Variants in SORCS3 observed in about 807,000 individuals in gnomAD.
SORCS3 encodes sortilin related VPS10 domain containing receptor 3.
SORCS3 carries 57 observed loss-of-function variants against 146.3 expected under a neutral mutation model. The ratio of observed to expected loss-of-function variants is 0.39; its 90% CI spans 0.31 to 0.49. The LOEUF is 0.49. Ranked by LOEUF, SORCS3 falls within the 20% of genes least tolerant of loss-of-function variation. The pLI is 0.92. For missense variants in SORCS3, 1,341 were observed against 1,575.5 expected (o/e 0.85, Z 2.52); for synonymous variants, 653 against 618.5 (o/e 1.06, Z -0.83).
intron 1 of SORCS3, among the ~76,000 whole-genome samples, chr10:104,791,599 C>T (rs1180453724): frequency 6.6e-6 from 1 of 152,164 alleles, no homozygotes; most frequent in Non-Finnish European, 1.5e-5. Context: ...TAAATTTCAG[C>T]AGAATCAGGC....
chr10:105,037,269 C>A (rs546236216), intron 4 of SORCS3, among the ~76,000 whole-genome samples: 1 of 152,334 alleles, frequency 6.6e-6, no homozygotes, highest in African/African-American at 2.4e-5. Context: ...AGAAATGTAG[C>A]ATCTCTGTCA....
intron 14 of SORCS3, among the ~76,000 whole-genome samples, chr10:105,195,741 C>T (rs866098307): frequency 2.0e-5 from 3 of 152,100 alleles, no homozygotes; most frequent in South Asian, 2.1e-4. Flanking sequence ...ATGGGTGGAT[C>T]GATGTGGAAT....
chr10:104,731,898 C>T (rs1439074039), intron 1 of SORCS3, among the ~76,000 whole-genome samples: 5 of 152,220 alleles, frequency 3.3e-5, no homozygotes, highest in Non-Finnish European at 7.3e-5. Context: ...TTGATCCCAC[C>T]TTCCAGCTAT....
chr10:105,081,977 T>C (rs1430070981), intron 5 of SORCS3, among the ~76,000 whole-genome samples: 1 of 152,134 alleles, frequency 6.6e-6, no homozygotes, highest in Non-Finnish European at 1.5e-5. Flanking sequence ...ACCATGCTTA[T>C]GAAGTTTATC....
chr10:104,811,679 G>C (rs540220915), intron 1 of SORCS3, among the ~76,000 whole-genome samples: 3 of 152,224 alleles, frequency 2.0e-5, no homozygotes, highest in Non-Finnish European at 4.4e-5. Flanking sequence ...ATCTCATGGG[G>C]AGAGGTTCAT....
At chr10:104,946,215 G>T (rs191639181) in intron 3 of SORCS3, among the ~76,000 whole-genome samples, 5 of 151,882 alleles carry the variant, frequency 3.3e-5, no homozygotes, top group African/African-American at 1.2e-4. Flanking sequence ...GGGATGTAAG[G>T]CTGTTTAAGA....
intron 7 of SORCS3, among the ~76,000 whole-genome samples, chr10:105,107,111 CA>C (rs1362020175): frequency 6.6e-6 from 1 of 152,110 alleles, no homozygotes; most frequent in Non-Finnish European, 1.5e-5. Flanking sequence ...AAAACAGAAC[CA>C]ACAGGTCACC....
intron 1 of SORCS3, among the ~76,000 whole-genome samples, chr10:104,737,758 G>C (rs1364295899): frequency 2.0e-5 from 3 of 151,534 alleles, no homozygotes; most frequent in Admixed American, 6.6e-5. Context: ...TTCTTTTGCT[G>C]TGCAGAAGCT....
chr10:104,675,051 G>C (rs1422250745), intron 1 of SORCS3, among the ~76,000 whole-genome samples: 1 of 152,190 alleles, frequency 6.6e-6, no homozygotes, highest in Non-Finnish European at 1.5e-5. Flanking sequence ...TAATTTTCCA[G>C]AGTGGTTGTA....
At position 105,108,954 on chromosome 10, in the gene SORCS3, G is replaced by C. The variant is rs77345005; in HGVS notation, c.1212+3439G>C. Among the ~76,000 whole-genome samples the C allele has an allele frequency of 6.0e-3, 910 of 152,150 alleles. 5 individuals carry two copies. The highest frequency in any genetic ancestry group is 0.037 in the East Asian group (191 of 5,176). On this transcript the variant is annotated intron_variant, in intron 7 of 26. Transcript: ENST00000369701. ...GATATGACATATATGTCTTAGTTTT[G>C]ACAGTATATTCTTTGTGTTTAATTA... is the stretch of plus-strand genomic sequence containing the variant.
At chr10:104,903,447 A>T (rs2018873083) in intron 2 of SORCS3, among the ~76,000 whole-genome samples, 1 of 152,166 alleles carries the variant, frequency 6.6e-6, no homozygotes. Context: ...AGAAAACCAG[A>T]GAAAGGAAAG....
chr10:104,894,118 T>C (rs1338738730), intron 2 of SORCS3, among the ~76,000 whole-genome samples: 1 of 152,230 alleles, frequency 6.6e-6, no homozygotes. Flanking sequence ...AACTCTTGTG[T>C]AATCTCCTTT....
At chr10:104,881,675 G>A (rs1006961029) in intron 2 of SORCS3, among the ~76,000 whole-genome samples, 10 of 152,104 alleles carry the variant, frequency 6.6e-5, no homozygotes, top group African/African-American at 2.4e-4. Flanking sequence ...CACACACATG[G>A]GCAGCTATAA....
chr10:105,139,606 C>G (rs764714550), intron 8 of SORCS3, 120 bp downstream of exon 8: 3 of 705,458 alleles, frequency 4.3e-6, no homozygotes, highest in Non-Finnish European at 7.4e-6. Flanking sequence ...CATTTAGACT[C>G]ACTCACCACC....
At chr10:104,880,440 G>A (rs2018619303) in intron 2 of SORCS3, among the ~76,000 whole-genome samples, 1 of 152,036 alleles carries the variant, frequency 6.6e-6, no homozygotes, top group African/African-American at 2.4e-5. Context: ...CTGCTAGTTG[G>A]TATTGATGCT....
chr10:105,119,068 A>T (rs2055912886), intron 7 of SORCS3, among the ~76,000 whole-genome samples: 1 of 152,166 alleles, frequency 6.6e-6, no homozygotes, highest in Admixed American at 6.5e-5. Context: ...GTCTAGGAGG[A>T]AAAATTGTTT....
intron 6 of SORCS3, among the ~76,000 whole-genome samples, chr10:105,099,130 G>C (rs1175239508): frequency 6.6e-6 from 1 of 152,158 alleles, no homozygotes; most frequent in Non-Finnish European, 1.5e-5. Context: ...TTACAGATAG[G>C]TTAGTTGCAC....
intron 7 of SORCS3, among the ~76,000 whole-genome samples, chr10:105,106,388 A>G (rs2055821889): frequency 1.3e-5 from 2 of 152,186 alleles, no homozygotes; most frequent in Non-Finnish European, 2.9e-5. Context: ...GAGACTTTCT[A>G]TGAACTTCCA....
At chr10:104,721,091 A>G (rs988266950) in intron 1 of SORCS3, among the ~76,000 whole-genome samples, 9 of 152,138 alleles carry the variant, frequency 5.9e-5, no homozygotes, top group Non-Finnish European at 1.2e-4. Context: ...GTTTTCTTCT[A>G]GGGTTTTGAT....
Sources: allele counts gnomAD v4.1 joint callset (sites outside exome capture counted in the v4.1 genomes callset), GRCh38; gene constraint gnomAD v4.1.1; transcripts MANE v1.5; gene names NCBI Gene and HGNC (gene_info 2026-07-23, HGNC 2026-07-21).